MACROD2: variants seen among roughly 807,000 people sequenced by gnomAD.
MACROD2 encodes the protein mono-ADP ribosylhydrolase 2, also known as ADP-ribose glycohydrolase MACROD2.
In MACROD2, 36 loss-of-function variants were observed where a neutral mutation model predicts 70.4. That is an observed-to-expected ratio of 0.51 (90% CI 0.39 to 0.68). The LOEUF is 0.68. MACROD2 is among the 30% of genes least tolerant of loss of function. MACROD2 has a pLI of 0.00. For synonymous variants in MACROD2, 172 were observed against 178.8 expected, an observed-to-expected ratio of 0.96 and a Z score of 0.30; for missense variants, 496 against 538.4, an observed-to-expected ratio of 0.92 and a Z score of 0.78.
chr20:14,012,177 G>A (rs1481390869), intron 2 of MACROD2, among the ~76,000 whole-genome samples: 1 of 152,252 alleles, frequency 6.6e-6, no homozygotes, highest in East Asian at 1.9e-4. Flanking sequence ...AAAGTGCTGG[G>A]ATTACAGGTG....
intron 5 of MACROD2, among the ~76,000 whole-genome samples, chr20:15,215,854 A>G (rs1027435285): frequency 2.6e-5 from 4 of 152,172 alleles, no homozygotes; most frequent in African/African-American, 9.6e-5. Flanking sequence ...GAAAGGAAAC[A>G]GCTGAAGACT....
At chr20:14,238,819 G>T (rs2081901782) in intron 3 of MACROD2, among the ~76,000 whole-genome samples, 1 of 151,814 alleles carries the variant, frequency 6.6e-6, no homozygotes, top group South Asian at 2.1e-4. Flanking sequence ...ATTAGGTCAG[G>T]AGTTCAAGAC....
intron 8 of MACROD2, among the ~76,000 whole-genome samples, chr20:15,722,675 C>CT (rs148024443): frequency 0.048 from 7,296 of 151,728 alleles, 257 homozygotes; most frequent in East Asian, 0.16. Flanking sequence ...AGTGGCTTAT[C>CT]TTTTTTTTAT....
At chr20:14,577,399 A>G (rs887146841) in intron 4 of MACROD2, among the ~76,000 whole-genome samples, 1 of 152,198 alleles carries the variant, frequency 6.6e-6, no homozygotes, top group Non-Finnish European at 1.5e-5. Flanking sequence ...CAAAACCATA[A>G]TTATTTTAAG....
rs368248178 is a variant in MACROD2, at chr20:14,065,903, G to T, written c.164-19718G>T. Among the ~76,000 whole-genome samples, 9 of 152,294 alleles carry T rather than the reference G, an allele frequency of 5.9e-5. No homozygotes were observed. In the East Asian group the frequency reaches 1.7e-3, roughly 29 times the overall value. On this transcript the variant is annotated intron_variant, in intron 2 of 17. Coordinates refer to ENST00000684519, the MANE Select transcript of MACROD2 (RefSeq NM_001351661.2). ...TTACAAGACAACATGCAAAATACGTGAGTCGTCATTGTGGAGGGAAAGGAA... is the reference window on the plus strand; with the variant it reads ...TTACAAGACAACATGCAAAATACGTTAGTCGTCATTGTGGAGGGAAAGGAA...
At chr20:14,928,131 C>T (rs2074255519) in intron 5 of MACROD2, among the ~76,000 whole-genome samples, 1 of 152,206 alleles carries the variant, frequency 6.6e-6, no homozygotes, top group Non-Finnish European at 1.5e-5. Context: ...ATTCATGCAT[C>T]TTCTTGTCCA....
intron 17 of MACROD2, among the ~76,000 whole-genome samples, chr20:16,047,316 G>T (rs745944353): frequency 9.2e-5 from 14 of 152,154 alleles, no homozygotes; most frequent in South Asian, 2.1e-4. Context: ...AAGAATGTTT[G>T]GCGTTGTATA....
intron 5 of MACROD2, among the ~76,000 whole-genome samples, chr20:14,784,203 C>T (rs1396336058): frequency 6.6e-6 from 1 of 152,112 alleles, no homozygotes; most frequent in Non-Finnish European, 1.5e-5. Flanking sequence ...CATTTCCCTG[C>T]TAGCTCTGGG....
chr20:14,709,404 C>A (rs1388591248), intron 5 of MACROD2, among the ~76,000 whole-genome samples: 1 of 152,032 alleles, frequency 6.6e-6, no homozygotes, highest in African/African-American at 2.4e-5. Context: ...AACACACACT[C>A]TCACACACTC....
intron 8 of MACROD2, among the ~76,000 whole-genome samples, chr20:15,733,092 T>A (rs1340697614): frequency 6.6e-6 from 1 of 152,206 alleles, no homozygotes; most frequent in Non-Finnish European, 1.5e-5. Flanking sequence ...GTCCATTACA[T>A]CTAAGTTGAT....
chr20:15,566,292 TG>T (rs2048309224), intron 8 of MACROD2, among the ~76,000 whole-genome samples: 2 of 151,706 alleles, frequency 1.3e-5, no homozygotes, highest in African/African-American at 4.9e-5. Context: ...AAGACCAGCC[TG>T]GCCAACATGG....
chr20:15,577,703 A>G (rs1455980893), intron 8 of MACROD2, among the ~76,000 whole-genome samples: 1 of 152,050 alleles, frequency 6.6e-6, no homozygotes, highest in African/African-American at 2.4e-5. Context: ...CCATAGATAA[A>G]CACATGTACT....
chr20:15,423,765 C>A (rs1403241798), intron 6 of MACROD2, among the ~76,000 whole-genome samples: 3 of 152,074 alleles, frequency 2.0e-5, no homozygotes, highest in Non-Finnish European at 2.9e-5. Flanking sequence ...TAGGTTTCAG[C>A]GTATGGATTT....
intron 3 of MACROD2, among the ~76,000 whole-genome samples, chr20:14,404,887 C>T (rs2083676260): frequency 6.6e-6 from 1 of 151,114 alleles, no homozygotes; most frequent in Admixed American, 6.6e-5. Context: ...GGACTGAAGT[C>T]ACTAATTAAA....
chr20:14,232,876 GTCC>G (rs1271797426), intron 3 of MACROD2, among the ~76,000 whole-genome samples: 1 of 152,204 alleles, frequency 6.6e-6, no homozygotes, highest in Non-Finnish European at 1.5e-5. Flanking sequence ...CTTTTGACGT[GTCC>G]TCCTCACTAA....
chr20:15,977,588 A>G (rs2066326786), intron 13 of MACROD2, among the ~76,000 whole-genome samples: 1 of 152,220 alleles, frequency 6.6e-6, no homozygotes, highest in South Asian at 2.1e-4. Flanking sequence ...ACTCTAATAC[A>G]GGTCCAATTA....
intron 7 of MACROD2, among the ~76,000 whole-genome samples, chr20:15,475,556 A>T (rs1016671568): frequency 6.6e-6 from 1 of 152,228 alleles, no homozygotes; most frequent in Non-Finnish European, 1.5e-5. Context: ...GTCAGCATTT[A>T]CAGCCATCAT....
chr20:15,448,713 A>G (rs957736856), intron 7 of MACROD2, among the ~76,000 whole-genome samples: 1 of 152,194 alleles, frequency 6.6e-6, no homozygotes, highest in Non-Finnish European at 1.5e-5. Flanking sequence ...TATGAATTAT[A>G]AGTTTCAAAT....
chr20:15,452,442 A>G (rs779765733), intron 7 of MACROD2, among the ~76,000 whole-genome samples: 10 of 152,172 alleles, frequency 6.6e-5, no homozygotes, highest in Non-Finnish European at 4.4e-5. Context: ...ATATAAGAGA[A>G]AATCATATTT....
Sources: gnomAD v4.1 joint callset for allele counts (sites outside exome capture counted in the v4.1 genomes callset) on GRCh38, gnomAD v4.1.1 for gene constraint, MANE v1.5 for transcripts, NCBI Gene and HGNC (gene_info 2026-07-23, HGNC 2026-07-21) for gene names.